The following COMMD10 variants were observed in gnomAD, a reference collection of about 807,000 sequenced individuals.
COMMD10 encodes COMM domain-containing protein 10.
COMMD10 carries 33 observed loss-of-function variants against 28.9 expected under a neutral mutation model. The ratio of observed to expected loss-of-function variants is 1.14; its 90% confidence interval spans 0.87 to 1.53. COMMD10 has a LOEUF of 1.53. COMMD10 is among the 40% of genes most tolerant of loss of function. The pLI, the probability that COMMD10 is intolerant of heterozygous loss-of-function variation, is 0.00. For missense variants in COMMD10, 310 were observed against 233.4 expected, an observed-to-expected ratio of 1.33 and a Z score of -2.14; for synonymous variants, 110 against 81.7, an observed-to-expected ratio of 1.35 and a Z score of -1.87.
intron 5 of COMMD10, among the ~76,000 whole-genome samples, chr5:116,196,119 A>G (rs545141690): frequency 6.6e-6 from 1 of 152,348 alleles, no homozygotes; most frequent in Admixed American, 6.5e-5. Flanking sequence ...ATTATTTGAA[A>G]AAGACACTTG....
At chr5:116,110,603 G>T (rs1185946912) in intron 4 of COMMD10, among the ~76,000 whole-genome samples, 1 of 152,112 alleles carries the variant, frequency 6.6e-6, no homozygotes, top group Non-Finnish European at 1.5e-5. Context: ...TTGTGTATTA[G>T]TCTGTTCTTA....
At chr5:116,127,671 C>G (rs967663788) in intron 4 of COMMD10, among the ~76,000 whole-genome samples, 3 of 152,172 alleles carry the variant, frequency 2.0e-5, no homozygotes, top group Admixed American at 6.5e-5. Context: ...CAAATTATCG[C>G]AAGGACAGAA....
intron 5 of COMMD10, among the ~76,000 whole-genome samples, chr5:116,268,552 A>G (rs1465801594): frequency 6.6e-6 from 1 of 151,950 alleles, no homozygotes; most frequent in Non-Finnish European, 1.5e-5. Flanking sequence ...GCGATTCCTC[A>G]AGGATCTAGA....
chr5:116,289,235 G>A (rs1751299737), intron 5 of COMMD10, among the ~76,000 whole-genome samples: 1 of 151,738 alleles, frequency 6.6e-6, no homozygotes, highest in Non-Finnish European at 1.5e-5. Context: ...TCCCAGTCAG[G>A]TAGCTGATAG....
chr5:116,195,712 T>C (rs1333339089), intron 5 of COMMD10, among the ~76,000 whole-genome samples: 1 of 152,148 alleles, frequency 6.6e-6, no homozygotes, highest in African/African-American at 2.4e-5. Flanking sequence ...GTAGAATCAG[T>C]ATTGTTTAAT....
Position 116,129,708 on chromosome 5 carries a change from AGT to A in COMMD10, c.400-4357_400-4356del, listed in dbSNP as rs201207926. On this transcript the variant is annotated intron_variant, in intron 4 of 6. Transcript: ENST00000274458. ...TACTATATACTATGTAATATACATT[AGT>A]GTATATATATACTATATACTATGTG... Among the ~76,000 whole-genome samples, 36 of 4,494 alleles carry A rather than the reference AGT, an allele frequency of 8.0e-3. 16 individuals are homozygous for A. Among genetic ancestry groups the A allele is most frequent in the Non-Finnish European group, 0.013 (23 of 1,822 alleles). 2.9% of individuals were successfully genotyped at this position (4,494 alleles called of 152,430 possible). A position where few individuals can be genotyped will look rare whatever the true frequency, so the allele number is the denominator to read the frequency against.
At chr5:116,103,054 T>A (rs1342804619) in intron 4 of COMMD10, among the ~76,000 whole-genome samples, 1 of 152,220 alleles carries the variant, frequency 6.6e-6, no homozygotes, top group African/African-American at 2.4e-5. Context: ...CATTTTTTTT[T>A]AATCCAGTCT....
At chr5:116,103,323 C>T (rs1311441485) in intron 4 of COMMD10, among the ~76,000 whole-genome samples, 3 of 152,186 alleles carry the variant, frequency 2.0e-5, no homozygotes, top group African/African-American at 7.2e-5. Context: ...ACATCCTCTT[C>T]AGCATCTGTT....
intron 5 of COMMD10, among the ~76,000 whole-genome samples, chr5:116,250,505 A>T (rs1007106043): frequency 2.0e-5 from 3 of 151,732 alleles, no homozygotes; most frequent in Non-Finnish European, 4.4e-5. Flanking sequence ...TTGATTGAAG[A>T]TGGAGGGCTG....
intron 5 of COMMD10, among the ~76,000 whole-genome samples, chr5:116,222,292 G>A (rs962453431): frequency 1.3e-5 from 2 of 152,148 alleles, no homozygotes; most frequent in Admixed American, 1.3e-4. Flanking sequence ...ACTTAGTTTT[G>A]ACTATTGGAA....
intron 4 of COMMD10, 110 bp from the exon 5 acceptor site, chr5:116,133,958 G>A (rs1345669585): frequency 3.1e-6 from 2 of 643,756 alleles, no homozygotes; most frequent in South Asian, 1.9e-5. Flanking sequence ...CTGACTTTCT[G>A]TGAAGCCTAG....
chr5:116,132,331 A>G (rs368894899), intron 4 of COMMD10, among the ~76,000 whole-genome samples: 3 of 152,140 alleles, frequency 2.0e-5, no homozygotes, highest in East Asian at 1.9e-4. Context: ...TTTCCATTTT[A>G]TATGAGGAAA....
chr5:116,163,736 G>T (rs1419699646), intron 5 of COMMD10, among the ~76,000 whole-genome samples: 3 of 152,094 alleles, frequency 2.0e-5, no homozygotes, highest in African/African-American at 7.2e-5. Flanking sequence ...TTATTATAAA[G>T]CACTAAGTTA....
chr5:116,166,734 A>G (rs1273688759), intron 5 of COMMD10, among the ~76,000 whole-genome samples: 1 of 152,196 alleles, frequency 6.6e-6, no homozygotes, highest in Non-Finnish European at 1.5e-5. Context: ...AAACTCCAGC[A>G]GACTTGCAGC....
At chr5:116,093,428 G>A (rs1034559052) in intron 4 of COMMD10, among the ~76,000 whole-genome samples, 4 of 152,194 alleles carry the variant, frequency 2.6e-5, no homozygotes, top group African/African-American at 9.6e-5. Context: ...GCTCCTCAGT[G>A]TGGAGTTGGG....
chr5:116,265,044 T>C (rs1215863663), intron 5 of COMMD10, among the ~76,000 whole-genome samples: 2 of 151,814 alleles, frequency 1.3e-5, no homozygotes, highest in African/African-American at 4.9e-5. Context: ...ACCAGTGAAA[T>C]GAATTTCATA....
chr5:116,214,105 A>C (rs771687099), intron 5 of COMMD10, among the ~76,000 whole-genome samples: 2 of 152,056 alleles, frequency 1.3e-5, no homozygotes, highest in African/African-American at 2.4e-5. Flanking sequence ...ATTCTCTCTG[A>C]ATTGGACTTG....
chr5:116,125,770 A>C (rs954794592), intron 4 of COMMD10, among the ~76,000 whole-genome samples: 2 of 151,658 alleles, frequency 1.3e-5, no homozygotes, highest in African/African-American at 4.8e-5. Flanking sequence ...TTTTTCTCTA[A>C]ACTTCTCGCT....
chr5:116,222,658 A>G (rs1243258465), intron 5 of COMMD10, among the ~76,000 whole-genome samples: 1 of 152,166 alleles, frequency 6.6e-6, no homozygotes, highest in African/African-American at 2.4e-5. Context: ...AAGAGCTAGA[A>G]TTCAAAAGAA....
Sources: allele counts gnomAD v4.1 joint callset (sites outside exome capture counted in the v4.1 genomes callset), GRCh38; gene constraint gnomAD v4.1.1; transcripts MANE v1.5; gene names NCBI Gene and HGNC (gene_info 2026-07-23, HGNC 2026-07-21).